OPN5: variants seen among roughly 807,000 people sequenced by gnomAD.
The protein encoded by OPN5 is opsin-5.
OPN5 carries 18 observed loss-of-function variants against 41.7 expected under a neutral mutation model. The observed-to-expected ratio is 0.43, with a 90% CI of 0.30 to 0.64. OPN5 has a LOEUF of 0.64. Ranked by LOEUF, OPN5 falls within the 30% of genes least tolerant of loss-of-function variation. OPN5 has a pLI of 0.13. For missense variants in OPN5, 318 were observed against 434.5 expected, an observed-to-expected ratio of 0.73 and a Z score of 2.38; for synonymous variants, 178 against 164.3, an observed-to-expected ratio of 1.08 and a Z score of -0.64.
intron 4 of OPN5, among the ~76,000 whole-genome samples, chr6:47,800,488 G>T (rs1246050221): frequency 6.6e-6 from 1 of 152,166 alleles, no homozygotes; most frequent in Non-Finnish European, 1.5e-5. Context: ...ATCTCAAAAG[G>T]CCAATCTGAG....
downstream of OPN5, chr6:47,826,019 T>G (rs1249109552): frequency 6.6e-6 from 1 of 152,202 alleles, no homozygotes; most frequent in East Asian, 1.9e-4. Context: ...TATGTAGGTA[T>G]ATATAATACA....
chr6:47,790,413 C>T (rs1022279374), intron 2 of OPN5, among the ~76,000 whole-genome samples: 1 of 152,150 alleles, frequency 6.6e-6, no homozygotes, highest in Non-Finnish European at 1.5e-5. Flanking sequence ...CTTTCTCTCT[C>T]TCTGTGTCTC....
At chr6:47,793,200 G>T (rs1773441340) in intron 3 of OPN5, among the ~76,000 whole-genome samples, 1 of 152,060 alleles carries the variant, frequency 6.6e-6, no homozygotes, top group African/African-American at 2.4e-5. Context: ...AGGCAAAAAA[G>T]TTAAACTTCC....
chr6:47,792,057 A>G, intron 3 of OPN5, 85 bp downstream of exon 3: 1 of 898,602 alleles, frequency 1.1e-6, no homozygotes, highest in Non-Finnish European at 1.7e-6. Flanking sequence ...GCAGGTAATA[A>G]ACAAAGATTA....
In OPN5 at chr6:47,797,096, G is replaced by C. The variant is rs554577162; in HGVS notation, c.756+1533G>C. On this transcript the variant is annotated intron_variant, in intron 4 of 6. Transcript: ENST00000371211. Reference sequence around the variant, plus strand: ...CCATGATTCGATTACCTCTCACTGGGTCCCTGCCATGACACATGAGCATTA... The same window carrying C: ...CCATGATTCGATTACCTCTCACTGGCTCCCTGCCATGACACATGAGCATTA... Among the ~76,000 whole-genome samples, 10 of 152,238 alleles carry C rather than the reference G, an allele frequency of 6.6e-5. No individual in the cohort carries two copies. In the East Asian group the frequency reaches 1.9e-3, roughly 29 times the overall value.
intron 6 of OPN5, among the ~76,000 whole-genome samples, chr6:47,819,151 T>C (rs909085435): frequency 6.6e-6 from 1 of 151,446 alleles, no homozygotes; most frequent in African/African-American, 2.4e-5. Context: ...AAAAAATTTA[T>C]TTTTAGCTCC....
At chr6:47,813,655 A>T (rs1186166343) in intron 6 of OPN5, among the ~76,000 whole-genome samples, 3 of 152,144 alleles carry the variant, frequency 2.0e-5, no homozygotes, top group African/African-American at 7.2e-5. Context: ...TCTGCATGAG[A>T]GTGGGGAATC....
At chr6:47,805,954 C>G (rs1000097851) in intron 4 of OPN5, among the ~76,000 whole-genome samples, 1 of 151,970 alleles carries the variant, frequency 6.6e-6, no homozygotes, top group Non-Finnish European at 1.5e-5. Context: ...TATAAAATCC[C>G]CAAGGTGGGT....
intron 5 of OPN5, 44 bp from the exon 6 acceptor site, chr6:47,811,630 G>C (rs1287537800): frequency 2.4e-6 from 3 of 1,245,054 alleles, no homozygotes; most frequent in Non-Finnish European, 2.4e-6. Flanking sequence ...TTATGTGTGT[G>C]TATATGTAGA....
intron 4 of OPN5, among the ~76,000 whole-genome samples, chr6:47,801,329 C>T (rs892151568): frequency 6.6e-6 from 1 of 152,144 alleles, no homozygotes; most frequent in Non-Finnish European, 1.5e-5. Flanking sequence ...GGCTCTAGGG[C>T]CTCTGTTTCT....
chr6:47,783,833 G>A (rs1484920911), intron 1 of OPN5, among the ~76,000 whole-genome samples: 1 of 152,140 alleles, frequency 6.6e-6, no homozygotes, highest in East Asian at 1.9e-4. Context: ...TAAGCAACTT[G>A]ATCAATTGTA....
At chr6:47,817,885 A>C (rs771597502) in intron 6 of OPN5, among the ~76,000 whole-genome samples, 1 of 152,120 alleles carries the variant, frequency 6.6e-6, no homozygotes, top group Non-Finnish European at 1.5e-5. Context: ...TTATGGCATC[A>C]GCTATCTTGT....
At chr6:47,813,978 G>T (rs572547397) in intron 6 of OPN5, among the ~76,000 whole-genome samples, 1 of 152,052 alleles carries the variant, frequency 6.6e-6, no homozygotes, top group Non-Finnish European at 1.5e-5. Context: ...CATAGGTAAA[G>T]ATATTCAAAA....
intron 6 of OPN5, among the ~76,000 whole-genome samples, chr6:47,814,847 C>T (rs1446212322): frequency 2.6e-5 from 4 of 152,130 alleles, no homozygotes. Context: ...TGCCTGTTCT[C>T]CTTTGGGTTC....
chr6:47,806,446 T>C (rs1773967162), intron 4 of OPN5, among the ~76,000 whole-genome samples: 1 of 152,178 alleles, frequency 6.6e-6, no homozygotes, highest in African/African-American at 2.4e-5. Flanking sequence ...GAGTAGAAAT[T>C]GTACATGGGC....
chr6:47,813,197 G>T (rs1268038964), intron 6 of OPN5, among the ~76,000 whole-genome samples: 1 of 152,140 alleles, frequency 6.6e-6, no homozygotes, highest in African/African-American at 2.4e-5. Context: ...GAATAGAGAG[G>T]CAAGGAACTT....
At chr6:47,795,162 A>C in intron 3 of OPN5, 67 bp from the exon 4 acceptor site, 1 of 1,156,368 alleles carries the variant, frequency 8.6e-7, no homozygotes, top group Non-Finnish European at 1.2e-6. Context: ...GGAATTTGAC[A>C]TATCGAGGGG....
At chr6:47,819,336 A>AATATATATATATATATATATATATATAT (rs1363402346) in intron 6 of OPN5, among the ~76,000 whole-genome samples, 12 of 24,308 alleles carry the variant, frequency 4.9e-4, no homozygotes, top group African/African-American at 8.4e-4. Context: ...GAAAATTAGG[A>AATATATATATATATATATATATATATAT]ATATATATAT....
chr6:47,807,839 T>C (rs1165337041), intron 4 of OPN5, among the ~76,000 whole-genome samples: 2 of 151,626 alleles, frequency 1.3e-5, no homozygotes, highest in Non-Finnish European at 2.9e-5. Flanking sequence ...TCCAGAAATA[T>C]TATGATTTCC....
Sources: gnomAD v4.1 joint callset for allele counts (sites outside exome capture counted in the v4.1 genomes callset) on GRCh38, gnomAD v4.1.1 for gene constraint, MANE v1.5 for transcripts, NCBI Gene and HGNC (gene_info 2026-07-23, HGNC 2026-07-21) for gene names.